GARIN1B: variants seen among roughly 807,000 people sequenced by gnomAD.
The protein encoded by GARIN1B is Golgi-associated RAB2 interactor protein 1B.
chr7:128,726,694 G>T, the GARIN1B span: 1 of 685,802 alleles, frequency 1.5e-6, no homozygotes, highest in Non-Finnish European at 2.2e-6. Context: ...TATAGCCACA[G>T]CTGGCCTTTT....
chr7:128,726,837 C>G, the GARIN1B span: 3 of 1,614,002 alleles, frequency 1.9e-6, no homozygotes, highest in Non-Finnish European at 2.5e-6. Flanking sequence ...GTTTCAGGAG[C>G]AGCAGAAAGG....
chr7:128,731,088 C>T, the GARIN1B span: 1 of 1,610,958 alleles, frequency 6.2e-7, no homozygotes, highest in Non-Finnish European at 8.5e-7. Context: ...CTTTTCTCTC[C>T]TACACTCACA....
the GARIN1B span, chr7:128,716,723 A>C: frequency 9.1e-7 from 1 of 1,102,624 alleles, no homozygotes; most frequent in Non-Finnish European, 1.3e-6. Flanking sequence ...AACCCAAAAC[A>C]TTAATAGTGT....
chr7:128,714,579 CAA>C, the GARIN1B span, among the ~76,000 whole-genome samples: 197 of 148,304 alleles, frequency 1.3e-3, no homozygotes, highest in African/African-American at 1.9e-3. Context: ...GACTCCATCT[CAA>C]AAAAAAAAAA....
At chr7:128,726,707 A>T in the GARIN1B span, 3 of 1,040,732 alleles carry the variant, frequency 2.9e-6, no homozygotes, top group African/African-American at 1.7e-5. Flanking sequence ...GGCCTTTTTC[A>T]TATTTATATC....
chr7:128,711,726 A>G, the GARIN1B span, among the ~76,000 whole-genome samples: 1 of 151,572 alleles, frequency 6.6e-6, no homozygotes, highest in South Asian at 2.1e-4. Context: ...AGGAGGCAGG[A>G]CTATGCTGAG....
chr7:128,728,281 A>G, the GARIN1B span, among the ~76,000 whole-genome samples: 6 of 152,126 alleles, frequency 3.9e-5, no homozygotes, highest in Non-Finnish European at 7.4e-5. Flanking sequence ...ATCTCTACTA[A>G]AAATACAAAA....
the GARIN1B span, among the ~76,000 whole-genome samples, chr7:128,725,989 A>G: frequency 1.3e-5 from 2 of 152,242 alleles, no homozygotes; most frequent in African/African-American, 4.8e-5. Context: ...AGGCAGGTTA[A>G]GGGAATGGGC....
the GARIN1B span, chr7:128,729,831 A>G: frequency 2.6e-6 from 4 of 1,525,126 alleles, no homozygotes; most frequent in African/African-American, 4.1e-5. Flanking sequence ...CACCCCCCCA[A>G]ATGTCAGCTG....
chr7:128,721,756 A>G, the GARIN1B span, among the ~76,000 whole-genome samples: 1 of 152,180 alleles, frequency 6.6e-6, no homozygotes, highest in South Asian at 2.1e-4. Context: ...GATTGAGGAC[A>G]TTCCCTTTCT....
At chr7:128,731,328 G>C in the GARIN1B span, 32 of 613,454 alleles carry the variant, frequency 5.2e-5, no homozygotes, top group East Asian at 8.6e-4. Flanking sequence ...GCCACTGCCA[G>C]AGCTGGCCTA....
chr7:128,717,842 C>T, the GARIN1B span, among the ~76,000 whole-genome samples: 43 of 151,700 alleles, frequency 2.8e-4, no homozygotes, highest in African/African-American at 9.0e-4. Context: ...TTGTCTGGGA[C>T]GAAGTAGCCT....
chr7:128,726,706 C>T, the GARIN1B span: 3 of 888,368 alleles, frequency 3.4e-6, no homozygotes, highest in East Asian at 4.5e-5. Context: ...TGGCCTTTTT[C>T]ATATTTATAT....
At chr7:128,714,989 C>G in the GARIN1B span, among the ~76,000 whole-genome samples, 2 of 152,146 alleles carry the variant, frequency 1.3e-5, no homozygotes, top group African/African-American at 4.8e-5. Context: ...TGTCGGGGGC[C>G]CACATGCTGC....
the GARIN1B span, among the ~76,000 whole-genome samples, chr7:128,723,801 C>T: frequency 6.6e-6 from 1 of 151,550 alleles, no homozygotes; most frequent in Non-Finnish European, 1.5e-5. Flanking sequence ...CATGAGCCAC[C>T]GCGCCCAGTC....
the GARIN1B span, chr7:128,724,717 G>T: frequency 1.9e-5 from 25 of 1,288,532 alleles, no homozygotes; most frequent in Admixed American, 5.5e-4. Flanking sequence ...ATTAGCAAAT[G>T]TCACCAGGAG....
chr7:128,723,923 A>G, the GARIN1B span, among the ~76,000 whole-genome samples: 8 of 152,358 alleles, frequency 5.3e-5, no homozygotes, highest in African/African-American at 1.7e-4. Flanking sequence ...GAGGACTACT[A>G]TAAAAAATGA....
chr7:128,713,387 TAA>T, the GARIN1B span, among the ~76,000 whole-genome samples: 1 of 152,192 alleles, frequency 6.6e-6, no homozygotes, highest in East Asian at 1.9e-4. Context: ...ACATGGTTTC[TAA>T]AAAGATTCAA....
chr7:128,731,240 C>A, the GARIN1B span: 1 of 916,832 alleles, frequency 1.1e-6, no homozygotes, highest in South Asian at 1.3e-5. Flanking sequence ...ATAGAGTCAT[C>A]TCACGGTGAC....
Sources: allele counts gnomAD v4.1 joint callset (sites outside exome capture counted in the v4.1 genomes callset), GRCh38; gene constraint gnomAD v4.1.1; transcripts MANE v1.5; gene names NCBI Gene and HGNC (gene_info 2026-07-23, HGNC 2026-07-21).